Variants in DNAH11 observed in about 807,000 individuals in gnomAD.
The protein encoded by DNAH11 is dynein axonemal heavy chain 11.
DNAH11 carries 442 observed loss-of-function variants against 526.0 expected under a neutral mutation model. The ratio of observed to expected loss-of-function variants is 0.84; its 90% CI spans 0.78 to 0.91. The LOEUF (loss-of-function observed/expected upper bound fraction) is 0.91, where lower values mean the gene tolerates loss of function less well. DNAH11 is among the 40% of genes least tolerant of loss of function. The pLI, the probability that DNAH11 is intolerant of heterozygous loss-of-function variation, is 0.00. For missense variants in DNAH11, 6,989 were observed against 5,448.7 expected, an observed-to-expected ratio of 1.28 and a Z score of -8.90; for synonymous variants, 2,461 against 1,935.9, an observed-to-expected ratio of 1.27 and a Z score of -7.12.
chr7:21,774,107 G>T, intron 56 of DNAH11, 108 bp downstream of exon 56: 1 of 1,029,374 alleles, frequency 9.7e-7, no homozygotes, highest in Non-Finnish European at 1.4e-6. Flanking sequence ...GCCAGCTGGT[G>T]AAATTTACAG....
chr7:21,831,276 A>C (rs1369891842), intron 65 of DNAH11, among the ~76,000 whole-genome samples: 1 of 152,216 alleles, frequency 6.6e-6, no homozygotes, highest in African/African-American at 2.4e-5. Context: ...CTTTCACAGA[A>C]ACAACAAAGT....
intron 42 of DNAH11, among the ~76,000 whole-genome samples, chr7:21,715,301 C>T (rs978644249): frequency 4.6e-5 from 7 of 152,178 alleles, no homozygotes; most frequent in South Asian, 4.1e-4. Flanking sequence ...TTAGAAACCA[C>T]GCGGTTATAG....
chr7:21,826,859 A>G (rs956041517), intron 65 of DNAH11, among the ~76,000 whole-genome samples: 4 of 152,094 alleles, frequency 2.6e-5, no homozygotes, highest in African/African-American at 7.2e-5. Context: ...TTCTAGTTCT[A>G]TTTGTTTGGG....
intron 5 of DNAH11, 70 bp from the exon 6 acceptor site, chr7:21,564,116 A>G (rs994886170): frequency 2.5e-6 from 3 of 1,191,938 alleles, no homozygotes; most frequent in Non-Finnish European, 3.5e-6. Flanking sequence ...TCTCTTCTAC[A>G]TGTAAAGTGA....
intron 45 of DNAH11, among the ~76,000 whole-genome samples, chr7:21,728,134 G>A (rs887697761): frequency 3.3e-5 from 5 of 151,398 alleles, no homozygotes; most frequent in Non-Finnish European, 5.9e-5. Flanking sequence ...ATGAATTTTG[G>A]AGGAGACATA....
At chr7:21,618,702 A>ATAATAT (rs1785900356) in intron 23 of DNAH11, among the ~76,000 whole-genome samples, 1 of 152,186 alleles carries the variant, frequency 6.6e-6, no homozygotes, top group Admixed American at 6.5e-5. Context: ...AATTATGTTC[A>ATAATAT]GTGAATAGGG....
chr7:21,865,547 A>T (rs1012596622), intron 70 of DNAH11, among the ~76,000 whole-genome samples: 2 of 152,204 alleles, frequency 1.3e-5, no homozygotes, highest in South Asian at 4.1e-4. Context: ...CTGGAACTTC[A>T]TAAGAAATGA....
In DNAH11 at chr7:21,779,034, T is replaced by C. The variant is rs940123318; in HGVS notation, c.9413T>C (p.Ile3138Thr). ...QLRNHDAEAL[I>T]TKIGLQTEKV... ...AGAAATCATGATGCCGAAGCTCTGA[T>C]CACAAAGATCGGCCTTCAGACGGAG... The change falls in exon 57 of 82, where the codon ATC (isoleucine) becomes ACC (threonine). Residue 3138 changes from isoleucine (I) to threonine (T), a missense_variant. Transcript: ENST00000409508. 1 of 1,613,384 alleles carries C rather than the reference T, an allele frequency of 6.2e-7. No individual in the cohort carries two copies.
chr7:21,816,788 C>A, intron 64 of DNAH11, 86 bp downstream of exon 64: 1 of 1,010,834 alleles, frequency 9.9e-7, no homozygotes, highest in Non-Finnish European at 1.5e-6. Context: ...TTTCTTAGAC[C>A]TCTCCACCAC....
At position 21,880,731 on chromosome 7, in the gene DNAH11, G is replaced by A; in HGVS notation, c.12225G>A (p.Gln4075=). 1 of 1,613,950 alleles carries A rather than the reference G, an allele frequency of 6.2e-7. No individual in the cohort carries two copies. Among genetic ancestry groups the A allele is most frequent in the South Asian group, 1.1e-5 (1 of 91,078 alleles). ...QDTLEICSKE[Q]EFKSILFSLC... The stretch of plus-strand genomic sequence containing the variant: ...CACTTGAAATATGCTCCAAGGAGCA[G>A]GAGTTTAAAAGCATCCTTTTTTCTC... Residue 4075 remains glutamine (Q), a synonymous_variant, in exon 75 of 82, where the codon CAG becomes CAA. Transcript: ENST00000409508.
At chr7:21,558,295 T>A (rs1031575875) in intron 2 of DNAH11, among the ~76,000 whole-genome samples, 1 of 152,232 alleles carries the variant, frequency 6.6e-6, no homozygotes, top group African/African-American at 2.4e-5. Context: ...TCACATAGTT[T>A]CATTGATGTT....
chr7:21,787,432 A>C lies in DNAH11; in HGVS notation c.9773A>C (p.Tyr3258Ser). The C allele has an allele frequency of 6.2e-7, 1 of 1,611,154 alleles. No individual in the cohort carries two copies. Among genetic ancestry groups the C allele is most frequent in the Non-Finnish European group, 8.5e-7 (1 of 1,178,632 alleles). ...VDDFLQALINYDKEHIPENCL... is the reference protein window; with the variant it reads ...VDDFLQALINSDKEHIPENCL... ...GATTTTTTGCAAGCATTAATTAACTATGACAAAGAGCACATTCCAGAGAAC... is the reference window on the plus strand; with the variant it reads ...GATTTTTTGCAAGCATTAATTAACTCTGACAAAGAGCACATTCCAGAGAAC... Residue 3258 changes from tyrosine to serine, a missense_variant, in exon 60 of 82, where the codon TAT (tyrosine) becomes TCT (serine). Transcript: ENST00000409508.
intron 62 of DNAH11, among the ~76,000 whole-genome samples, chr7:21,804,899 C>T (rs2127995100): frequency 6.6e-6 from 1 of 152,310 alleles, no homozygotes; most frequent in Admixed American, 6.5e-5. Flanking sequence ...CTTTACTGAC[C>T]TGCAAGGCCC....
Position 21,787,452 on chromosome 7 carries a change from G to C in DNAH11, c.9793G>C (p.Glu3265Gln). The change falls in exon 60 of 82, where the codon GAG becomes CAG. Residue 3265 changes from glutamate to glutamine, a missense_variant. Coordinates refer to ENST00000409508, the MANE Select transcript of DNAH11 (RefSeq NM_001277115.2). ...LINYDKEHIP[E>Q]NCLKVVNEHY... ...TAACTATGACAAAGAGCACATTCCAGAGAACTGTCTAAAAGTGGTGAATGA... is the reference window on the plus strand; with the variant it reads ...TAACTATGACAAAGAGCACATTCCACAGAACTGTCTAAAAGTGGTGAATGA... 6.2e-7 allele frequency: 1 copy of C among 1,613,516 alleles called. No homozygotes were observed. The highest frequency in any genetic ancestry group is 8.5e-7 in the Non-Finnish European group (1 of 1,179,610).
chr7:21,802,362 T>G (rs1449957265), intron 62 of DNAH11, among the ~76,000 whole-genome samples: 1 of 152,104 alleles, frequency 6.6e-6, no homozygotes, highest in African/African-American at 2.4e-5. Context: ...TATGGGGAAA[T>G]GCTGGTTGGA....
chr7:21,729,355 A>G (rs2128486906), intron 45 of DNAH11, among the ~76,000 whole-genome samples: 1 of 152,128 alleles, frequency 6.6e-6, no homozygotes, highest in South Asian at 2.1e-4. Context: ...TAAGAATTAC[A>G]CCCCTAATTT....
chr7:21,867,958 C>A lies in DNAH11; in HGVS notation c.11790C>A (p.Phe3930Leu). ...AAAGCAGCCCAGCCACCCCCATATT[C>A]TTCATCCTGTCTCCGGGGGTAGATG... ...FEESSPATPI[F>L]FILSPGVDAL... The change falls in exon 72 of 82, where the codon TTC (phenylalanine) becomes TTA (leucine). Residue 3930 changes from phenylalanine (F) to leucine (L), a missense_variant. Transcript: ENST00000409508. 6.4e-7 allele frequency: 1 copy of A among 1,567,252 alleles called. No homozygotes were observed.
chr7:21,807,934 C>G lies in DNAH11; in HGVS notation c.10217C>G (p.Thr3406Arg). The G allele has an allele frequency of 6.2e-7, 1 of 1,609,616 alleles. No individual in the cohort carries two copies. Among genetic ancestry groups the G allele is most frequent in the Non-Finnish European group, 8.5e-7 (1 of 1,176,876 alleles). ...AAGTCCTTTGAAGCTCAAGAGAAGA[C>G]ACTCTGTGGAGATGTTCTTCTCACG... ...SIKSFEAQEK[T>R]LCGDVLLTAA... Residue 3406 changes from threonine to arginine, a missense_variant, in exon 63 of 82, where the codon ACA becomes AGA. By Grantham distance (71) the Thr-to-Arg change is moderately conservative. Coordinates refer to ENST00000409508, the MANE Select transcript of DNAH11 (RefSeq NM_001277115.2).
intron 65 of DNAH11, among the ~76,000 whole-genome samples, chr7:21,818,827 G>C (rs1789928596): frequency 6.6e-6 from 1 of 151,986 alleles, no homozygotes; most frequent in South Asian, 2.1e-4. Flanking sequence ...GTTCATTAGT[G>C]GGTCCCTGAA....
Sources: gnomAD v4.1 joint callset for allele counts (sites outside exome capture counted in the v4.1 genomes callset) on GRCh38, gnomAD v4.1.1 for gene constraint, MANE v1.5 for transcripts, NCBI Gene and HGNC (gene_info 2026-07-23, HGNC 2026-07-21) for gene names.